Variants in MDGA2 observed in about 807,000 individuals in gnomAD.
The protein encoded by MDGA2 is MAM domain containing glycosylphosphatidylinositol anchor 2, also known as MAM domain-containing glycosylphosphatidylinositol anchor protein 2.
MDGA2 carries 40 observed loss-of-function variants against 117.8 expected under a neutral mutation model. That is an observed-to-expected ratio of 0.34 (90% confidence interval 0.26 to 0.44). The LOEUF (loss-of-function observed/expected upper bound fraction) is 0.44. MDGA2 is among the 20% of genes least tolerant of loss of function. The pLI, the probability that MDGA2 is intolerant of heterozygous loss-of-function variation, is 1.00. For synonymous variants in MDGA2, 452 were observed against 439.0 expected, an observed-to-expected ratio of 1.03 and a Z score of -0.37; for missense variants, 1,123 against 1,250.6, an observed-to-expected ratio of 0.90 and a Z score of 1.54.
intron 9 of MDGA2, among the ~76,000 whole-genome samples, chr14:46,930,434 T>C (rs1884525624): frequency 6.6e-6 from 1 of 152,100 alleles, no homozygotes. Flanking sequence ...AAAACAAACT[T>C]TGGTAAATAA....
chr14:47,669,873 T>C (rs947523784), intron 1 of MDGA2, among the ~76,000 whole-genome samples: 2 of 152,120 alleles, frequency 1.3e-5, no homozygotes, highest in African/African-American at 4.8e-5. Context: ...AAAATCATAA[T>C]CAATATACCT....
intron 3 of MDGA2, among the ~76,000 whole-genome samples, chr14:47,176,139 G>A (rs1214913441): frequency 6.6e-5 from 10 of 151,992 alleles, no homozygotes; most frequent in Admixed American, 3.3e-4. Flanking sequence ...CACTGCTCAA[G>A]GAAATAAAAG....
chr14:46,887,561 C>T (rs1002916497), intron 10 of MDGA2, among the ~76,000 whole-genome samples: 3 of 151,886 alleles, frequency 2.0e-5, no homozygotes, highest in Non-Finnish European at 4.4e-5. Context: ...GGCAGAAAAT[C>T]AAAGTTATTT....
intron 1 of MDGA2, among the ~76,000 whole-genome samples, chr14:47,456,997 C>A (rs139728428): frequency 3.7e-4 from 57 of 152,112 alleles, no homozygotes; most frequent in African/African-American, 1.3e-3. Context: ...AGAACCAAAG[C>A]TGACATACTA....
intron 5 of MDGA2, among the ~76,000 whole-genome samples, chr14:47,125,233 G>A (rs1566638550): frequency 6.6e-6 from 1 of 152,190 alleles, no homozygotes; most frequent in East Asian, 1.9e-4. Context: ...TACACTGGCT[G>A]TCTATGACCA....
At chr14:47,498,919 A>T (rs2138668924) in intron 1 of MDGA2, among the ~76,000 whole-genome samples, 1 of 152,244 alleles carries the variant, frequency 6.6e-6, no homozygotes, top group African/African-American at 2.4e-5. Context: ...TTCTGACATC[A>T]CCATTTATAA....
At chr14:47,388,834 G>C (rs1045581078) in intron 1 of MDGA2, among the ~76,000 whole-genome samples, 1 of 152,096 alleles carries the variant, frequency 6.6e-6, no homozygotes, top group African/African-American at 2.4e-5. Context: ...TTTGGCCTGA[G>C]TCTAACTCCT....
chr14:47,261,830 A>G (rs1180958107), intron 2 of MDGA2, among the ~76,000 whole-genome samples: 4 of 152,124 alleles, frequency 2.6e-5, no homozygotes, highest in African/African-American at 9.7e-5. Flanking sequence ...TGTAAACTAA[A>G]CCAGCAACCT....
rs139164926 is a variant in MDGA2, at chr14:47,574,646, A to G, written c.280+99871T>C. On this transcript the variant is annotated intron_variant, in intron 1 of 16. Coordinates refer to ENST00000399232, the MANE Select transcript of MDGA2 (RefSeq NM_001113498.3). ...TCTAGTACCACTGCTATTATTACTA[A>G]TAATAAAAATAATAGATAAAATTTA... Among the ~76,000 whole-genome samples the G allele has an allele frequency of 4.3e-4, 66 of 152,252 alleles. No individual in the cohort carries two copies. In the East Asian group the frequency reaches 5.8e-3, roughly 13 times the overall value.
chr14:47,343,291 A>C (rs1755989492), intron 1 of MDGA2: 1 of 1,123,326 alleles, frequency 8.9e-7, no homozygotes, highest in South Asian at 2.0e-5. Flanking sequence ...AATGTTAACT[A>C]AGTTCTAAGT....
chr14:47,055,302 A>C (rs979337837), intron 7 of MDGA2, among the ~76,000 whole-genome samples: 1 of 152,110 alleles, frequency 6.6e-6, no homozygotes, highest in Non-Finnish European at 1.5e-5. Flanking sequence ...AGCACAAATC[A>C]GATCATATTG....
chr14:47,035,207 T>C lies in MDGA2; in HGVS notation c.1623A>G (p.Lys541=). The change falls in exon 8 of 17, where the codon AAA becomes AAG. Residue 541 remains lysine, a synonymous_variant. Transcript: ENST00000399232. ...CCGCTCTAGACCAAAGGATGATTGGTTTAGGTTTGCCAGTTACTTGACATT... is the reference window on the plus strand; with the variant it reads ...CCGCTCTAGACCAAAGGATGATTGGCTTAGGTTTGCCAGTTACTTGACATT... The part of the protein sequence containing the change: ...ELQCQVTGKP[K]PIILWSRADK... 6.2e-7 allele frequency: 1 copy of C among 1,614,166 alleles called. No homozygotes were observed. The highest frequency in any genetic ancestry group is 8.5e-7 in the Non-Finnish European group (1 of 1,180,036).
intron 4 of MDGA2, among the ~76,000 whole-genome samples, chr14:47,134,986 G>A (rs1319371843): frequency 2.6e-5 from 4 of 151,916 alleles, no homozygotes; most frequent in Non-Finnish European, 5.9e-5. Context: ...ATTATACTCT[G>A]TCAGTCCTTG....
intron 1 of MDGA2, among the ~76,000 whole-genome samples, chr14:47,552,487 A>C (rs997105755): frequency 1.3e-5 from 2 of 152,216 alleles, no homozygotes; most frequent in African/African-American, 4.8e-5. Context: ...ACTTTCTCTT[A>C]TACTACAGTA....
At chr14:47,264,393 C>A (rs937683520) in intron 2 of MDGA2, among the ~76,000 whole-genome samples, 3 of 152,098 alleles carry the variant, frequency 2.0e-5, no homozygotes, top group African/African-American at 7.2e-5. Context: ...TCAACCATTT[C>A]TTAAAGCATA....
At chr14:47,462,375 CA>C (rs373508880) in intron 1 of MDGA2, among the ~76,000 whole-genome samples, 99 of 96,050 alleles carry the variant, frequency 1.0e-3, no homozygotes, top group South Asian at 8.1e-3. Context: ...GACTCCGTCC[CA>C]AAAAAAAAAA....
chr14:47,612,806 C>G (rs1424250473), intron 1 of MDGA2, among the ~76,000 whole-genome samples: 1 of 152,054 alleles, frequency 6.6e-6, no homozygotes, highest in Admixed American at 6.6e-5. Flanking sequence ...TAAAAATACA[C>G]AGAATAAAAT....
intron 8 of MDGA2, among the ~76,000 whole-genome samples, chr14:46,978,661 G>A (rs1372561390): frequency 6.6e-6 from 1 of 151,952 alleles, no homozygotes; most frequent in African/African-American, 2.4e-5. Context: ...GTTGTTAACA[G>A]GAAAAAGACT....
intron 1 of MDGA2, among the ~76,000 whole-genome samples, chr14:47,380,369 T>C (rs1284085939): frequency 6.6e-6 from 1 of 151,968 alleles, no homozygotes; most frequent in Non-Finnish European, 1.5e-5. Context: ...ATAACTAAGA[T>C]TAAAGCAGAA....
Sources: gnomAD v4.1 joint callset for allele counts (sites outside exome capture counted in the v4.1 genomes callset) on GRCh38, gnomAD v4.1.1 for gene constraint, MANE v1.5 for transcripts, NCBI Gene and HGNC (gene_info 2026-07-23, HGNC 2026-07-21) for gene names.